The following UNC13B variants were observed in gnomAD, a reference collection of about 807,000 sequenced individuals.
UNC13B encodes the protein unc-13 homolog B.
Under a neutral mutation model 211.0 loss-of-function variants are expected in UNC13B, and 144 were observed. The ratio of observed to expected loss-of-function variants is 0.68; its 90% CI spans 0.60 to 0.78. The LOEUF (loss-of-function observed/expected upper bound fraction) is 0.78. Ranked by LOEUF, UNC13B falls within the 30% of genes least tolerant of loss-of-function variation. The pLI is 0.00. For missense variants in UNC13B, 1,777 were observed against 2,002.0 expected (o/e 0.89, Z 2.14); for synonymous variants, 709 against 725.8 (o/e 0.98, Z 0.37).
Position 35,381,146 on chromosome 9 carries a change from A to T in UNC13B, c.10422A>T (p.Gln3474His). Residue 3474 changes from glutamine (Q) to histidine (H), a missense_variant, in exon 19 of 40, where the codon CAA becomes CAT. Transcript: ENST00000635942. ...KSAVSGAIRL[Q>H]ISVEIKGEEK... is the part of the protein sequence containing the mutation. Reference sequence around the variant, plus strand: ...CCGTCTCAGGGGCTATCCGACTACAAATCAGTGTGGAGATCAAGGGGGAGG... The same window carrying T: ...CCGTCTCAGGGGCTATCCGACTACATATCAGTGTGGAGATCAAGGGGGAGG... 1 of 1,614,170 alleles carries T rather than the reference A, an allele frequency of 6.2e-7. No homozygotes were observed. The highest frequency in any genetic ancestry group is 1.3e-5 in the African/African-American group (1 of 75,048).
intron 7 of UNC13B, among the ~76,000 whole-genome samples, chr9:35,259,364 A>G (rs1827123502): frequency 6.6e-6 from 1 of 152,102 alleles, no homozygotes; most frequent in Admixed American, 6.6e-5. Flanking sequence ...CTCAGTTTAA[A>G]TATCATCACT....
At position 35,162,089 on chromosome 9, in the gene UNC13B, T is replaced by C; in HGVS notation, c.-195T>C. 1.3e-6 allele frequency: 1 copy of C among 790,398 alleles called. No homozygotes were observed. The highest frequency in any genetic ancestry group is 2.0e-6 in the Non-Finnish European group (1 of 501,146). The allele number at this position is 790,398 out of a possible 1,614,324, so 49.0% of individuals were successfully genotyped here. A position where few individuals can be genotyped will look rare whatever the true frequency, so the allele number is the denominator to read the frequency against. Reference sequence around the variant, plus strand: ...CAGCCTGCCGGCCGGTACTCACCGCTACCCGGAGTTCGCTCAGACGGTGAG... The same window carrying C: ...CAGCCTGCCGGCCGGTACTCACCGCCACCCGGAGTTCGCTCAGACGGTGAG... On this transcript the variant is annotated 5_prime_UTR_variant, in exon 1 of 40. Coordinates refer to ENST00000635942, the MANE Select transcript of UNC13B (RefSeq NM_001371189.2).
chr9:35,393,763 G>C (rs1419010634), intron 26 of UNC13B, among the ~76,000 whole-genome samples: 2 of 151,716 alleles, frequency 1.3e-5, no homozygotes, highest in African/African-American at 4.8e-5. Flanking sequence ...GTAGAGACGG[G>C]GTTTCACCAT....
chr9:35,362,634 C>T (rs1224715738), intron 11 of UNC13B, among the ~76,000 whole-genome samples: 1 of 151,884 alleles, frequency 6.6e-6, no homozygotes, highest in Non-Finnish European at 1.5e-5. Context: ...ACAGTGAAAC[C>T]CTGTAAATAC....
chr9:35,225,205 C>T (rs759159801), intron 1 of UNC13B, among the ~76,000 whole-genome samples: 6 of 152,050 alleles, frequency 3.9e-5, no homozygotes, highest in Admixed American at 1.3e-4. Context: ...CTGTCACCCC[C>T]GCTGGAGTGT....
At chr9:35,402,054 G>T in intron 37 of UNC13B, 1 of 1,530,594 alleles carries the variant, frequency 6.5e-7, no homozygotes, top group South Asian at 1.2e-5. Flanking sequence ...GGCTAACACT[G>T]ACCCCTGGGA....
chr9:35,365,491 A>T (rs1833715624), intron 11 of UNC13B, among the ~76,000 whole-genome samples: 1 of 152,214 alleles, frequency 6.6e-6, no homozygotes, highest in Non-Finnish European at 1.5e-5. Context: ...CTCACTCTGG[A>T]TAGGAAATAA....
chr9:35,176,838 G>A (rs1821663444), intron 1 of UNC13B, among the ~76,000 whole-genome samples: 1 of 152,302 alleles, frequency 6.6e-6, no homozygotes, highest in South Asian at 2.1e-4. Flanking sequence ...CTAATGAAGT[G>A]AAGACTGAAC....
intron 1 of UNC13B, among the ~76,000 whole-genome samples, chr9:35,173,837 C>G (rs1821463765): frequency 6.6e-6 from 1 of 152,182 alleles, no homozygotes; most frequent in Non-Finnish European, 1.5e-5. Context: ...ACAGACATGG[C>G]TTGGTGAATA....
At position 35,376,077 on chromosome 9, in the gene UNC13B, C is replaced by T. The variant is rs762371782; in HGVS notation, c.9665C>T (p.Ser3222Leu). 3.5e-5 allele frequency: 57 copies of T among 1,614,146 alleles called. No homozygotes were observed. Among genetic ancestry groups the T allele is most frequent in the Non-Finnish European group, 4.7e-5 (55 of 1,180,060 alleles). The change falls in exon 15 of 40, where the codon TCG becomes TTG. Residue 3222 changes from serine to leucine, a missense_variant. Transcript: ENST00000635942. ...CTGCAGGCCTTAATCTACCCCATTT[C>T]GTGCACCACTCCTCATAACTTTGAG... ...KTLQALIYPI[S>L]CTTPHNFEVW...
At chr9:35,290,084 T>C (rs1829015045) in intron 7 of UNC13B, among the ~76,000 whole-genome samples, 1 of 152,222 alleles carries the variant, frequency 6.6e-6, no homozygotes, top group African/African-American at 2.4e-5. Flanking sequence ...TTCTTGAAAT[T>C]CAATTTGGGT....
At chr9:35,348,783 T>C (rs1346427822) in intron 11 of UNC13B, among the ~76,000 whole-genome samples, 2 of 152,176 alleles carry the variant, frequency 1.3e-5, no homozygotes, top group Admixed American at 1.3e-4. Context: ...CACATAGAGG[T>C]CAAGTGTTTA....
chr9:35,384,659 C>A (rs1423788483), intron 22 of UNC13B: 6 of 985,262 alleles, frequency 6.1e-6, no homozygotes, highest in Non-Finnish European at 6.0e-6. Context: ...AATTACATTT[C>A]TTTTTTGCAT....
In UNC13B at chr9:35,397,064, G is replaced by C. The variant is rs1252277994; in HGVS notation, c.11533-103G>C. The C allele has an allele frequency of 8.7e-6, 14 of 1,600,790 alleles. No homozygotes were observed. The African/African-American group carries it at 1.7e-4, about 20-fold the overall frequency. On this transcript the variant is annotated intron_variant, in intron 28 of 39. Transcript: ENST00000635942. The stretch of plus-strand genomic sequence containing the variant: ...CTGTGGAGTTCACAGGAGGGCTGTT[G>C]AGGGCCATTAGCCACTCTTGCTGGT...
At chr9:35,229,735 T>C (rs1015152108) in intron 2 of UNC13B, among the ~76,000 whole-genome samples, 1 of 152,194 alleles carries the variant, frequency 6.6e-6, no homozygotes. Context: ...TTGTATGGGC[T>C]TTTATCCTCA....
chr9:35,399,529 G>A (rs1024678898), intron 35 of UNC13B, 81 bp downstream of exon 35: 5 of 1,606,102 alleles, frequency 3.1e-6, no homozygotes, highest in African/African-American at 2.7e-5. Flanking sequence ...GAAGGAAATT[G>A]GAGCTTTGGA....
intron 11 of UNC13B, among the ~76,000 whole-genome samples, chr9:35,335,636 C>T (rs374820629): frequency 5.3e-5 from 8 of 151,528 alleles, no homozygotes; most frequent in African/African-American, 9.7e-5. Context: ...CATTTGTTAA[C>T]GACAGATGAG....
chr9:35,345,688 T>C (rs1248490508), intron 11 of UNC13B, among the ~76,000 whole-genome samples: 2 of 152,184 alleles, frequency 1.3e-5, no homozygotes, highest in East Asian at 3.9e-4. Context: ...CTGGGTGTGA[T>C]TGTATTTGTT....
intron 6 of UNC13B, among the ~76,000 whole-genome samples, chr9:35,258,759 C>T (rs949732789): frequency 2.6e-4 from 40 of 152,312 alleles, no homozygotes; most frequent in African/African-American, 7.2e-4. Context: ...CAGGACAGTT[C>T]TTCATTATCC....
Sources: gnomAD v4.1 joint callset for allele counts (sites outside exome capture counted in the v4.1 genomes callset) on GRCh38, gnomAD v4.1.1 for gene constraint, MANE v1.5 for transcripts, NCBI Gene and HGNC (gene_info 2026-07-23, HGNC 2026-07-21) for gene names.